Variants in IL1RAP observed in about 807,000 individuals in gnomAD.
The protein encoded by IL1RAP is interleukin-1 receptor accessory protein.
Under a neutral mutation model 60.7 loss-of-function variants are expected in IL1RAP, and 35 were observed. That is an observed-to-expected ratio of 0.58 (90% CI 0.44 to 0.76). The LOEUF is 0.76. Ranked by LOEUF, IL1RAP falls within the 30% of genes least tolerant of loss-of-function variation. The pLI, the probability that IL1RAP is intolerant of heterozygous loss-of-function variation, is 0.00. For missense variants in IL1RAP, 572 were observed against 693.9 expected, an observed-to-expected ratio of 0.82 and a Z score of 1.97; for synonymous variants, 268 against 250.9, an observed-to-expected ratio of 1.07 and a Z score of -0.64.
At chr3:190,633,016 C>T (rs189367332) in intron 9 of IL1RAP, among the ~76,000 whole-genome samples, 1 of 152,278 alleles carries the variant, frequency 6.6e-6, no homozygotes, top group East Asian at 1.9e-4. Context: ...GTCATGAAAT[C>T]ACATACTATA....
chr3:190,654,477 A>C (rs1473891465), downstream of IL1RAP, among the ~76,000 whole-genome samples: 1 of 152,234 alleles, frequency 6.6e-6, no homozygotes, highest in African/African-American at 2.4e-5. Flanking sequence ...TTATCTCTTA[A>C]GAATGAATGA....
At chr3:190,594,302 A>G (rs1227408300) in intron 3 of IL1RAP, among the ~76,000 whole-genome samples, 1 of 152,172 alleles carries the variant, frequency 6.6e-6, no homozygotes, top group Non-Finnish European at 1.5e-5. Flanking sequence ...TTATCACATA[A>G]AATGTAGAGG....
intron 7 of IL1RAP, among the ~76,000 whole-genome samples, 178 bp from the exon 8 acceptor site, chr3:190,627,145 C>T (rs913791884): frequency 9.9e-5 from 15 of 152,114 alleles, no homozygotes; most frequent in Admixed American, 4.6e-4. Context: ...GAGAATTACT[C>T]ATAAGCAGGG....
intron 5 of IL1RAP, among the ~76,000 whole-genome samples, chr3:190,615,589 C>T (rs554367445): frequency 6.6e-6 from 1 of 152,314 alleles, no homozygotes; most frequent in Admixed American, 6.5e-5. Context: ...CTGAACTACT[C>T]TCACCTGCTA....
intron 3 of IL1RAP, among the ~76,000 whole-genome samples, chr3:190,566,951 G>A (rs757607756): frequency 2.6e-5 from 4 of 152,210 alleles, no homozygotes; most frequent in Non-Finnish European, 5.9e-5. Context: ...GGAAACACAG[G>A]TTGATGTGAG....
chr3:190,614,521 A>C (rs748599077), intron 5 of IL1RAP, among the ~76,000 whole-genome samples: 51 of 152,032 alleles, frequency 3.4e-4, no homozygotes, highest in Admixed American at 1.3e-4. Context: ...ATTGTTCCAA[A>C]CGCTTGATTT....
intron 3 of IL1RAP, among the ~76,000 whole-genome samples, chr3:190,566,340 C>A (rs974377220): frequency 1.3e-5 from 2 of 152,096 alleles, no homozygotes; most frequent in African/African-American, 4.8e-5. Context: ...TTATGTCCTC[C>A]CTCATCCTGA....
rs1734269680 is a variant in IL1RAP, at chr3:190,649,567, G to A, written c.*862G>A. 1 of 985,644 alleles carries A rather than the reference G, an allele frequency of 1.0e-6. No individual in the cohort carries two copies. The highest frequency in any genetic ancestry group is 1.2e-6 in the Non-Finnish European group (1 of 829,902). The allele number at this position is 985,644 out of a possible 1,614,324, so 61.1% of individuals were successfully genotyped here. A position where few individuals can be genotyped will look rare whatever the true frequency, so the allele number is the denominator to read the frequency against. On this transcript the variant is annotated 3_prime_UTR_variant, in exon 12 of 12. Coordinates refer to ENST00000447382, the MANE Select transcript of IL1RAP (RefSeq NM_002182.4). ...AAAGACTCTTTTAGGGCATTTTTCT[G>A]ACTCATGAAAAGAGCACAGAAAAGG...
At chr3:190,607,039 A>G (rs900026887) in intron 4 of IL1RAP, among the ~76,000 whole-genome samples, 1 of 152,068 alleles carries the variant, frequency 6.6e-6, no homozygotes, top group African/African-American at 2.4e-5. Flanking sequence ...ATGTTTTGTT[A>G]TTTGTAGGTA....
intron 1 of IL1RAP, among the ~76,000 whole-genome samples, chr3:190,549,646 C>A (rs1329605140): frequency 6.6e-6 from 1 of 152,212 alleles, no homozygotes; most frequent in Non-Finnish European, 1.5e-5. Flanking sequence ...GGCCAAAAGC[C>A]TGATTGGTAA....
chr3:190,517,347 A>G (rs904921620), intron 1 of IL1RAP, among the ~76,000 whole-genome samples: 6 of 152,212 alleles, frequency 3.9e-5, no homozygotes, highest in African/African-American at 1.2e-4. Flanking sequence ...AAGAAGATTG[A>G]ACAACAAATG....
chr3:190,640,046 G>A (rs1452580026), intron 9 of IL1RAP, among the ~76,000 whole-genome samples: 2 of 152,110 alleles, frequency 1.3e-5, no homozygotes, highest in Non-Finnish European at 2.9e-5. Flanking sequence ...CCGAAGACTC[G>A]AGATAATCCT....
At chr3:190,647,780 A>G (rs1734119911) in intron 11 of IL1RAP, among the ~76,000 whole-genome samples, 1 of 152,240 alleles carries the variant, frequency 6.6e-6, no homozygotes, top group Admixed American at 6.5e-5. Context: ...TTAGAGTCAG[A>G]GAGGTATCCA....
At chr3:190,638,504 A>G (rs533510617) in intron 9 of IL1RAP, among the ~76,000 whole-genome samples, 8 of 152,304 alleles carry the variant, frequency 5.3e-5, no homozygotes, top group Admixed American at 4.6e-4. Flanking sequence ...TGTCCTGGAT[A>G]CCAGTCCTTT....
chr3:190,592,722 C>T (rs978801092), intron 3 of IL1RAP, among the ~76,000 whole-genome samples: 4 of 152,182 alleles, frequency 2.6e-5, no homozygotes, highest in African/African-American at 9.6e-5. Flanking sequence ...CTGAAAGACC[C>T]CAGCTCTTTT....
chr3:190,629,529 A>G (rs766246214), intron 9 of IL1RAP, 31 bp downstream of exon 9: 3 of 1,583,816 alleles, frequency 1.9e-6, no homozygotes, highest in South Asian at 1.2e-5. Flanking sequence ...TGAATCTCTC[A>G]GCTCCAAATT....
intron 11 of IL1RAP, among the ~76,000 whole-genome samples, chr3:190,647,616 T>C (rs1045652492): frequency 6.6e-6 from 1 of 152,158 alleles, no homozygotes; most frequent in African/African-American, 2.4e-5. Context: ...CATAGCTTTA[T>C]AGTAATGGTC....
At chr3:190,605,375 T>C (rs1730229125) in intron 4 of IL1RAP, among the ~76,000 whole-genome samples, 1 of 152,122 alleles carries the variant, frequency 6.6e-6, no homozygotes, top group South Asian at 2.1e-4. Flanking sequence ...AAACAACTTC[T>C]AAAAACTGAG....
chr3:190,566,540 A>G (rs1189557325), intron 3 of IL1RAP, among the ~76,000 whole-genome samples: 35 of 152,152 alleles, frequency 2.3e-4, no homozygotes, highest in Non-Finnish European at 5.1e-4. Context: ...CTATCCAGGA[A>G]CTGTGACTCA....
Sources: gnomAD v4.1 joint callset for allele counts (sites outside exome capture counted in the v4.1 genomes callset) on GRCh38, gnomAD v4.1.1 for gene constraint, MANE v1.5 for transcripts, NCBI Gene and HGNC (gene_info 2026-07-23, HGNC 2026-07-21) for gene names.